NAV3: variants seen among roughly 807,000 people sequenced by gnomAD.
NAV3 encodes pore membrane and/or filament interacting like protein 1.
In NAV3, 87 loss-of-function variants were observed where a neutral mutation model predicts 244.7. The ratio of observed to expected loss-of-function variants is 0.36; its 90% CI spans 0.30 to 0.42. NAV3 has a LOEUF of 0.42. Ranked by LOEUF, NAV3 falls within the 20% of genes least tolerant of loss-of-function variation. The pLI, the probability that NAV3 is intolerant of heterozygous loss-of-function variation, is 1.00. For synonymous variants in NAV3, 1,126 were observed against 1,042.2 expected (o/e 1.08, Z -1.55); for missense variants, 2,663 against 2,893.3 (o/e 0.92, Z 1.83).
chr12:77,903,442 T>C (rs1322379739), intron 1 of NAV3, among the ~76,000 whole-genome samples: 1 of 152,184 alleles, frequency 6.6e-6, no homozygotes. Flanking sequence ...GCTAGCCATA[T>C]GTAGAAAGCT....
intron 26 of NAV3, 124 bp downstream of exon 26, chr12:78,176,583 C>A: frequency 1.0e-5 from 9 of 863,922 alleles, no homozygotes; most frequent in South Asian, 1.7e-5. Flanking sequence ...TATGTCTTTT[C>A]TTTGTGTCTT....
upstream of NAV3, among the ~76,000 whole-genome samples, chr12:77,829,953 C>G (rs1229167455): frequency 1.3e-5 from 2 of 152,184 alleles, no homozygotes; most frequent in Non-Finnish European, 2.9e-5. Context: ...GTCCACCACT[C>G]ATTTTTCTAA....
chr12:77,940,373 A>G lies in NAV3; in HGVS notation c.298A>G (p.Ile100Val). Residue 100 changes from isoleucine to valine, a missense_variant, in exon 2 of 40, where the codon ATC becomes GTC. Around this residue, in one of 6 missense-constraint regions of NAV3, gnomAD observed 1,521 missense variants for 1,497.0 expected, o/e 1.02. Transcript: ENST00000397909. The part of the protein sequence containing the change: ...YLAKSGHKRL[I>V]KDLQQDIADG... ...AGCAAAATCAGGCCACAAGCGGCTG[A>G]TCAAGGACTTGCAACAAGACATTGC... is the stretch of plus-strand genomic sequence containing the variant. The G allele has an allele frequency of 6.2e-7, 1 of 1,613,982 alleles. No homozygotes were observed.
chr12:77,741,402 C>T (rs1228571068), intron 2 of NAV3, among the ~76,000 whole-genome samples: 1 of 152,044 alleles, frequency 6.6e-6, no homozygotes, highest in African/African-American at 2.4e-5. Context: ...TACATACACA[C>T]ACACATATAC....
At chr12:77,711,759 A>C (rs571178599) in intron 2 of NAV3, among the ~76,000 whole-genome samples, 1 of 152,196 alleles carries the variant, frequency 6.6e-6, no homozygotes, top group Non-Finnish European at 1.5e-5. Context: ...CTAGGAACTA[A>C]GCAGCCATTA....
At chr12:78,188,887 T>C in intron 33 of NAV3, 110 bp downstream of exon 33, 1 of 920,776 alleles carries the variant, frequency 1.1e-6, no homozygotes. Flanking sequence ...ATTTGAAAAC[T>C]CTGTAGTATT....
chr12:77,897,178 C>T (rs1299223979), intron 1 of NAV3, among the ~76,000 whole-genome samples: 2 of 152,184 alleles, frequency 1.3e-5, no homozygotes, highest in East Asian at 3.9e-4. Context: ...TCTCCAAAGA[C>T]CATGACTTTT....
intron 39 of NAV3, among the ~76,000 whole-genome samples, chr12:78,209,853 T>C (rs1193177099): frequency 1.3e-5 from 2 of 152,184 alleles, no homozygotes; most frequent in African/African-American, 4.8e-5. Flanking sequence ...CTTCAAACAC[T>C]CATGGTCTGC....
intron 1 of NAV3, among the ~76,000 whole-genome samples, chr12:77,912,392 G>A (rs75380877): frequency 0.013 from 1,995 of 152,166 alleles, 24 homozygotes; most frequent in Non-Finnish European, 0.021. Flanking sequence ...ATTCCTTTGA[G>A]TTGACTTGTT....
At chr12:77,637,555 T>C (rs181757299) in intron 2 of NAV3, among the ~76,000 whole-genome samples, 50 of 152,306 alleles carry the variant, frequency 3.3e-4, no homozygotes, top group African/African-American at 1.2e-3. Context: ...TATTAGCTTA[T>C]TTAATCCTCA....
chr12:78,206,805 C>T (rs371043272), intron 39 of NAV3, among the ~76,000 whole-genome samples: 3 of 150,062 alleles, frequency 2.0e-5, no homozygotes, highest in African/African-American at 2.4e-5. Context: ...GGCAGGCTTT[C>T]TCTGGTTTTA....
chr12:78,183,137 A>G (rs914096136), intron 30 of NAV3, among the ~76,000 whole-genome samples: 1 of 151,982 alleles, frequency 6.6e-6, no homozygotes, highest in Admixed American at 6.6e-5. Context: ...TAGACAGAGG[A>G]CCATGACTTA....
intron 2 of NAV3, among the ~76,000 whole-genome samples, chr12:77,673,291 A>G (rs1285895176): frequency 1.3e-5 from 2 of 152,158 alleles, no homozygotes; most frequent in African/African-American, 2.4e-5. Context: ...GTTGCATTGC[A>G]AGAGATTCAT....
chr12:77,792,255 T>A (rs1871212084), intron 2 of NAV3, among the ~76,000 whole-genome samples: 1 of 152,204 alleles, frequency 6.6e-6, no homozygotes, highest in South Asian at 2.1e-4. Context: ...CAAACTCAGG[T>A]GGGCAAGAAA....
chr12:77,826,399 C>T (rs138275409), upstream of NAV3, among the ~76,000 whole-genome samples: 445 of 151,850 alleles, frequency 2.9e-3, 2 homozygotes, highest in African/African-American at 0.01. Context: ...GGCTGAGGCA[C>T]GAGAATTGCT....
At chr12:77,701,359 A>T (rs902133199) in intron 2 of NAV3, among the ~76,000 whole-genome samples, 5 of 151,964 alleles carry the variant, frequency 3.3e-5, no homozygotes, top group African/African-American at 1.2e-4. Flanking sequence ...ATTCTCTGTA[A>T]GCTCCCATGA....
intron 38 of NAV3, 24 bp from the exon 39 acceptor site, chr12:78,204,911 C>G (rs1196647338): frequency 1.2e-6 from 2 of 1,609,702 alleles, no homozygotes. Flanking sequence ...TTATATATAT[C>G]CTAAACGCGT....
rs150083347 is a variant in NAV3 at position 77,623,055 on chromosome 12, T to C, written c.72+50789T>C. ...GGATACCAAACCATGTTGACAGAAG[T>C]GTGACTTGCTAAACATCAAGTGATA... is the stretch of plus-strand genomic sequence containing the variant. On this transcript the variant is annotated intron_variant, in intron 2 of 8. Coordinates refer to the NAV3 transcript ENST00000550042. Among the ~76,000 whole-genome samples the C allele has an allele frequency of 9.8e-5, 15 of 152,324 alleles. No homozygotes were observed. The East Asian group carries it at 2.9e-3, about 29-fold the overall frequency.
chr12:78,012,856 G>GT (rs775989894), intron 8 of NAV3, among the ~76,000 whole-genome samples: 78 of 152,142 alleles, frequency 5.1e-4, no homozygotes, highest in Non-Finnish European at 2.5e-4. Flanking sequence ...CTAATGTAAT[G>GT]TAAGTTCATT....
Sources: gnomAD v4.1 joint callset for allele counts (sites outside exome capture counted in the v4.1 genomes callset) on GRCh38, gnomAD v4.1.1 for gene constraint, gnomAD v4.1.1 regional missense constraint, MANE v1.5 for transcripts, NCBI Gene and HGNC (gene_info 2026-07-23, HGNC 2026-07-21) for gene names.